Variants in KPNA6 observed in about 807,000 individuals in gnomAD.
KPNA6 encodes the protein importin subunit alpha-7.
Under a neutral mutation model 72.0 loss-of-function variants are expected in KPNA6, and 9 were observed. The observed-to-expected ratio is 0.13, with a 90% confidence interval of 0.08 to 0.22. The LOEUF (loss-of-function observed/expected upper bound fraction) is 0.22. Ranked by LOEUF, KPNA6 falls within the 10% of genes least tolerant of loss-of-function variation. The pLI is 1.00. For missense variants in KPNA6, 374 were observed against 655.7 expected, an observed-to-expected ratio of 0.57 and a Z score of 4.69; for synonymous variants, 219 against 242.1, an observed-to-expected ratio of 0.90 and a Z score of 0.89.
chr1:32,140,318 A>T (rs1010465874), intron 1 of KPNA6, among the ~76,000 whole-genome samples: 2 of 152,112 alleles, frequency 1.3e-5, no homozygotes, highest in Non-Finnish European at 2.9e-5. Flanking sequence ...CAGGAGGCAG[A>T]GGTTGCAGTG....
chr1:32,116,974 C>T (rs1282450324), intron 1 of KPNA6, among the ~76,000 whole-genome samples: 1 of 152,160 alleles, frequency 6.6e-6, no homozygotes, highest in South Asian at 2.1e-4. Context: ...GACCATGGCT[C>T]ATGGCACCCC....
At chr1:32,148,609 A>G (rs907851977) in intron 1 of KPNA6, among the ~76,000 whole-genome samples, 1 of 135,494 alleles carries the variant, frequency 7.4e-6, no homozygotes, top group Non-Finnish European at 1.5e-5. Flanking sequence ...TTTGTCACCC[A>G]GGCTGGAGTG....
intron 1 of KPNA6, among the ~76,000 whole-genome samples, chr1:32,123,666 G>A (rs781529140): frequency 2.6e-5 from 4 of 151,028 alleles, no homozygotes; most frequent in African/African-American, 7.3e-5. Context: ...CTTGAGCCCC[G>A]GAGATTGAGG....
At chr1:32,124,160 C>T (rs1419758657) in intron 1 of KPNA6, among the ~76,000 whole-genome samples, 1 of 151,620 alleles carries the variant, frequency 6.6e-6, no homozygotes, top group Non-Finnish European at 1.5e-5. Context: ...ATCGCTTGAG[C>T]CTAGGAGTTT....
intron 2 of KPNA6, among the ~76,000 whole-genome samples, chr1:32,154,953 A>G (rs1277091661): frequency 1.3e-5 from 2 of 152,054 alleles, no homozygotes; most frequent in Non-Finnish European, 2.9e-5. Context: ...TCTACTAAAA[A>G]TACAGAAATT....
chr1:32,148,200 G>A (rs577452487), intron 1 of KPNA6, among the ~76,000 whole-genome samples: 26 of 152,104 alleles, frequency 1.7e-4, no homozygotes, highest in Admixed American at 1.2e-3. Context: ...TGCCTCCCAG[G>A]TTCAAGTGAT....
intron 1 of KPNA6, among the ~76,000 whole-genome samples, chr1:32,120,139 TTGTC>T (rs1641406400): frequency 1.3e-5 from 2 of 152,148 alleles, no homozygotes; most frequent in African/African-American, 4.8e-5. Flanking sequence ...AGCCTGAGAA[TTGTC>T]TGTCTTATTT....
intron 13 of KPNA6, 71 bp downstream of exon 13, chr1:32,170,131 G>C: frequency 7.1e-7 from 1 of 1,403,146 alleles, no homozygotes; most frequent in South Asian, 1.3e-5. Context: ...ACATATGTTG[G>C]TGGTGGCGGA....
At chr1:32,119,879 G>A (rs983561661) in intron 1 of KPNA6, among the ~76,000 whole-genome samples, 7 of 151,780 alleles carry the variant, frequency 4.6e-5, no homozygotes, top group Non-Finnish European at 1.0e-4. Context: ...CAAGTAGCTG[G>A]CATTACAGGC....
At chr1:32,163,898 G>C (rs1642285699) in intron 10 of KPNA6, among the ~76,000 whole-genome samples, 1 of 152,214 alleles carries the variant, frequency 6.6e-6, no homozygotes, top group South Asian at 2.1e-4. Flanking sequence ...GGGTTACTTT[G>C]TATATGTATA....
Position 32,148,547 on chromosome 1 carries a change from GTA to G in KPNA6, c.5-6037_5-6036del, listed in dbSNP as rs1641971402. Among the ~76,000 whole-genome samples the G allele has an allele frequency of 2.0e-5, 3 of 146,906 alleles. No individual in the cohort carries two copies. The South Asian group carries it at 6.5e-4, about 32-fold the overall frequency. ...GCTCTTAGGACTCCCATAATGTGGT[GTA>G]TATTGGTCTTTTTTTTTTTTCTTTT... is the stretch of plus-strand genomic sequence containing the variant. On this transcript the variant is annotated intron_variant, in intron 1 of 13. Coordinates refer to ENST00000373625, the MANE Select transcript of KPNA6 (RefSeq NM_012316.5).
chr1:32,172,440 G>C lies in KPNA6; in HGVS notation c.*1546G>C, dbSNP rs1642454554. On this transcript the variant is annotated 3_prime_UTR_variant, in exon 14 of 14. Coordinates refer to ENST00000373625, the MANE Select transcript of KPNA6 (RefSeq NM_012316.5). ...CTCAATGGCCATTGTCCACATAACT[G>C]ATCACCCATGGCTGCCTCTCCTATT... 6.6e-6 allele frequency: 1 copy of C among 150,584 alleles called. No individual in the cohort carries two copies. The highest frequency in any genetic ancestry group is 2.4e-5 in the African/African-American group (1 of 40,844). The allele number at this position is 150,584 out of a possible 1,614,324, so 9.3% of individuals were successfully genotyped here. A position where few individuals can be genotyped will look rare whatever the true frequency, so the allele number is the denominator to read the frequency against.
At chr1:32,164,926 C>A (rs2124086620) in intron 10 of KPNA6, among the ~76,000 whole-genome samples, 1 of 152,178 alleles carries the variant, frequency 6.6e-6, no homozygotes, top group South Asian at 2.1e-4. Flanking sequence ...GAGACAGAGT[C>A]TGTCTTTGTC....
intron 1 of KPNA6, among the ~76,000 whole-genome samples, chr1:32,111,965 A>C (rs1641250169): frequency 6.6e-6 from 1 of 152,144 alleles, no homozygotes; most frequent in South Asian, 2.1e-4. Context: ...TACTGTGCTA[A>C]CTGGGAATCT....
At chr1:32,129,154 C>A (rs1641592044) in intron 1 of KPNA6, among the ~76,000 whole-genome samples, 1 of 149,574 alleles carries the variant, frequency 6.7e-6, no homozygotes, top group Non-Finnish European at 1.5e-5. Flanking sequence ...TCCTTCCTTC[C>A]TCTTTTTTTT....
chr1:32,128,465 TC>T (rs1641580864), intron 1 of KPNA6, among the ~76,000 whole-genome samples: 1 of 145,006 alleles, frequency 6.9e-6, no homozygotes, highest in African/African-American at 2.5e-5. Flanking sequence ...ATTTTTTTTT[TC>T]CTTAGACCTT....
chr1:32,122,135 G>A (rs1278383785), intron 1 of KPNA6, among the ~76,000 whole-genome samples: 4 of 152,022 alleles, frequency 2.6e-5, no homozygotes, highest in African/African-American at 4.8e-5. Context: ...TTAGCTGGGC[G>A]TGGTGGCAGG....
intron 1 of KPNA6, among the ~76,000 whole-genome samples, chr1:32,142,253 C>G (rs1641852155): frequency 1.3e-5 from 1 of 78,790 alleles, no homozygotes; most frequent in Admixed American, 2.0e-4. Flanking sequence ...GAGACCCTGT[C>G]TCAAAAAAAA....
At chr1:32,149,138 C>G (rs1641984640) in intron 1 of KPNA6, among the ~76,000 whole-genome samples, 1 of 151,918 alleles carries the variant, frequency 6.6e-6, no homozygotes, top group African/African-American at 2.4e-5. Flanking sequence ...CTTGTATCTG[C>G]TGTTGAACCC....
Sources: gnomAD v4.1 joint callset for allele counts (sites outside exome capture counted in the v4.1 genomes callset) on GRCh38, gnomAD v4.1.1 for gene constraint, MANE v1.5 for transcripts, NCBI Gene and HGNC (gene_info 2026-07-23, HGNC 2026-07-21) for gene names.